The following FBXL2 variants were observed in gnomAD, a reference collection of about 807,000 sequenced individuals.
FBXL2 encodes F-box and leucine rich repeat protein 2.
Under a neutral mutation model 69.2 loss-of-function variants are expected in FBXL2, and 38 were observed. The observed-to-expected ratio is 0.55, with a 90% CI of 0.42 to 0.72. FBXL2 has a LOEUF of 0.72. FBXL2 is among the 30% of genes least tolerant of loss of function. FBXL2 has a pLI of 0.00. For missense variants in FBXL2, 354 were observed against 520.3 expected, an observed-to-expected ratio of 0.68 and a Z score of 3.11; for synonymous variants, 192 against 201.3, an observed-to-expected ratio of 0.95 and a Z score of 0.39.
intron 2 of FBXL2, among the ~76,000 whole-genome samples, chr3:33,305,654 A>G (rs1421730641): frequency 6.6e-6 from 1 of 152,016 alleles, no homozygotes; most frequent in Non-Finnish European, 1.5e-5. Flanking sequence ...AAAGTCTGTT[A>G]GAACTATTAA....
intron 12 of FBXL2, chr3:33,400,318 CCATT>C (rs760528313): frequency 6.7e-7 from 1 of 1,499,626 alleles, no homozygotes; most frequent in Admixed American, 2.1e-5. Context: ...ATAAAAGGAA[CCATT>C]CAGACTTAGA....
At chr3:33,324,911 G>C (rs908957331) in intron 2 of FBXL2, among the ~76,000 whole-genome samples, 3 of 152,082 alleles carry the variant, frequency 2.0e-5, no homozygotes, top group African/African-American at 4.8e-5. Flanking sequence ...CCATTTTCAC[G>C]ATATTGATTC....
chr3:33,410,242 C>T, the FBXL2 span, among the ~76,000 whole-genome samples: 1 of 152,208 alleles, frequency 6.6e-6, no homozygotes, highest in African/African-American at 2.4e-5. Flanking sequence ...CCCTGGATGA[C>T]AGCCTTAGGG....
chr3:33,363,835 G>T lies in FBXL2; in HGVS notation c.196-790G>T, dbSNP rs561593143. Among the ~76,000 whole-genome samples, 3 of 152,222 alleles carry T rather than the reference G, an allele frequency of 2.0e-5. No individual in the cohort carries two copies. In the South Asian group the frequency reaches 6.2e-4, roughly 32 times the overall value. ...AAGTGGAAGTAAACCAGGTGCCATG[G>T]CATGTTCCTGTAGTCCTAGCTACTC... On this transcript the variant is annotated intron_variant, in intron 4 of 14. Transcript: ENST00000484457.
chr3:33,395,970 G>C (rs1270591462), intron 12 of FBXL2, among the ~76,000 whole-genome samples: 1 of 152,048 alleles, frequency 6.6e-6, no homozygotes, highest in African/African-American at 2.4e-5. Context: ...GACTGAGAAA[G>C]AATGCCAGTT....
chr3:33,324,911 G>A (rs908957331), intron 2 of FBXL2, among the ~76,000 whole-genome samples: 4 of 152,196 alleles, frequency 2.6e-5, no homozygotes, highest in South Asian at 4.1e-4. Context: ...CCATTTTCAC[G>A]ATATTGATTC....
At chr3:33,361,089 G>A (rs112868032) in intron 4 of FBXL2, among the ~76,000 whole-genome samples, 25,878 of 144,866 alleles carry the variant, frequency 0.18, 2,952 homozygotes, top group East Asian at 0.47. Flanking sequence ...CTGCCACCAC[G>A]CCCGGCTAAT....
intron 2 of FBXL2, among the ~76,000 whole-genome samples, chr3:33,356,832 TGTCA>T (rs1296701219): frequency 3.9e-5 from 6 of 152,220 alleles, no homozygotes; most frequent in Non-Finnish European, 8.8e-5. Context: ...TAGCTACTTG[TGTCA>T]GTCACTCTAG....
At chr3:33,338,556 A>G (rs1293781327) in intron 2 of FBXL2, among the ~76,000 whole-genome samples, 2 of 152,202 alleles carry the variant, frequency 1.3e-5, no homozygotes, top group African/African-American at 4.8e-5. Flanking sequence ...CGAAAACAGC[A>G]TGGTACTGAT....
chr3:33,329,804 C>T (rs2039011595), intron 2 of FBXL2, among the ~76,000 whole-genome samples: 1 of 151,904 alleles, frequency 6.6e-6, no homozygotes, highest in Middle Eastern at 3.2e-3. Flanking sequence ...TCAGCCTGGG[C>T]CACGTAGCAA....
intron 1 of FBXL2, among the ~76,000 whole-genome samples, chr3:33,278,890 C>A (rs2033641930): frequency 6.6e-6 from 1 of 152,140 alleles, no homozygotes; most frequent in Admixed American, 6.5e-5. Flanking sequence ...AAAGCCCTAA[C>A]AATTGTAGCA....
chr3:33,371,446 C>T (rs1559621884), intron 5 of FBXL2, among the ~76,000 whole-genome samples: 1 of 151,494 alleles, frequency 6.6e-6, no homozygotes, highest in Non-Finnish European at 1.5e-5. Context: ...GCTGGGATTA[C>T]AGGTGTGAGC....
Position 33,291,981 on chromosome 3 carries a change from A to G in FBXL2, c.4-5683A>G, listed in dbSNP as rs1366428053. Among the ~76,000 whole-genome samples, 5 of 152,352 alleles carry G rather than the reference A, an allele frequency of 3.3e-5. No individual in the cohort carries two copies. In the East Asian group the frequency reaches 9.6e-4, roughly 29 times the overall value. On this transcript the variant is annotated intron_variant, in intron 1 of 14. Coordinates refer to ENST00000484457, the MANE Select transcript of FBXL2 (RefSeq NM_012157.5). ...TGAAAAAGGGTGAAAAAGATATACC[A>G]TGCAAAAAGCATAAGAAAGTTGATG... is the stretch of plus-strand genomic sequence containing the variant.
downstream of FBXL2, among the ~76,000 whole-genome samples, chr3:33,404,901 G>GTTA (rs1415934695): frequency 6.6e-6 from 1 of 152,090 alleles, no homozygotes; most frequent in Non-Finnish European, 1.5e-5. Context: ...AATTCTAGAA[G>GTTA]TTATATTCTA....
At chr3:33,313,728 T>G (rs1279259873) in intron 2 of FBXL2, among the ~76,000 whole-genome samples, 1 of 152,106 alleles carries the variant, frequency 6.6e-6, no homozygotes, top group Admixed American at 6.6e-5. Flanking sequence ...GTTATAGACA[T>G]GAACCACTGC....
intron 2 of FBXL2, among the ~76,000 whole-genome samples, chr3:33,319,625 A>G (rs1575179111): frequency 1.3e-5 from 2 of 152,226 alleles, no homozygotes; most frequent in Non-Finnish European, 2.9e-5. Context: ...TCTTAAATGT[A>G]AGAAATAATA....
chr3:33,412,596 AAG>A, the FBXL2 span: 8 of 659,454 alleles, frequency 1.2e-5, no homozygotes, highest in Admixed American at 5.6e-5. Flanking sequence ...AAAAAAAAAA[AAG>A]ACACAAAATC....
intron 12 of FBXL2, 119 bp from the exon 13 acceptor site, chr3:33,378,566 G>A (rs930191001): frequency 3.1e-6 from 3 of 967,158 alleles, no homozygotes; most frequent in African/African-American, 3.3e-5. Context: ...CAGCCCCAGA[G>A]TGTTTGAGAT....
chr3:33,340,814 C>T (rs1489501605), intron 2 of FBXL2, among the ~76,000 whole-genome samples: 1 of 148,046 alleles, frequency 6.8e-6, no homozygotes, highest in African/African-American at 2.5e-5. Context: ...TTTGCTTGAA[C>T]CTGGGAGATG....
Sources: gnomAD v4.1 joint callset for allele counts (sites outside exome capture counted in the v4.1 genomes callset) on GRCh38, gnomAD v4.1.1 for gene constraint, MANE v1.5 for transcripts, NCBI Gene and HGNC (gene_info 2026-07-23, HGNC 2026-07-21) for gene names.